The following GRK5 variants were observed in gnomAD, a reference collection of about 807,000 sequenced individuals.
The protein encoded by GRK5 is G protein-coupled receptor kinase 5, also known as g protein-coupled receptor kinase GRK5.
In GRK5, 40 loss-of-function variants were observed where a neutral mutation model predicts 78.4. The ratio of observed to expected loss-of-function variants is 0.51; its 90% CI spans 0.40 to 0.66. GRK5 has a LOEUF of 0.66. Among genes scored for constraint, GRK5 ranks in the 30% least tolerant of loss-of-function variants. The pLI is 0.00. For synonymous variants in GRK5, 289 were observed against 296.8 expected (o/e 0.97, Z 0.27); for missense variants, 598 against 759.9 (o/e 0.79, Z 2.50).
At chr10:119,213,435 T>C (rs7093295) in intron 1 of GRK5, among the ~76,000 whole-genome samples, 90,616 of 151,906 alleles carry the variant, frequency 0.6, 27,778 homozygotes, top group African/African-American at 0.74. Context: ...CACTTGAACC[T>C]GGGAGGTGGA....
intron 1 of GRK5, among the ~76,000 whole-genome samples, chr10:119,260,599 T>C (rs1013305605): frequency 6.6e-6 from 1 of 152,062 alleles, no homozygotes; most frequent in East Asian, 1.9e-4. Flanking sequence ...TAGGGAGTGG[T>C]GATGACTCTT....
chr10:119,221,750 T>C (rs1848659189), intron 1 of GRK5, among the ~76,000 whole-genome samples: 1 of 152,182 alleles, frequency 6.6e-6, no homozygotes, highest in East Asian at 1.9e-4. Context: ...CATAATAATT[T>C]GTGAAATAGG....
chr10:119,327,866 C>T (rs1850706104), intron 2 of GRK5, among the ~76,000 whole-genome samples: 1 of 152,222 alleles, frequency 6.6e-6, no homozygotes, highest in African/African-American at 2.4e-5. Context: ...TCCCTAAAAT[C>T]CCAGGCACAT....
chr10:119,431,710 C>T lies in GRK5; in HGVS notation c.738+183C>T, dbSNP rs1161394710. 2.0e-5 allele frequency among the ~76,000 whole-genome samples: 3 copies of T among 152,214 alleles called. No individual in the cohort carries two copies. The highest frequency in any genetic ancestry group is 1.9e-4 in the East Asian group (1 of 5,192). On this transcript the variant is annotated intron_variant, in intron 8 of 15. Transcript: ENST00000392870. This position sits in a 1 kb window ranked among gnomAD's most constrained non-coding sequence, Gnocchi z 4.8. The stretch of plus-strand genomic sequence containing the variant: ...CCTCCATCACACGGCCCATTGTGGT[C>T]GACTGTGGCTGGCTTTGTCCCATCC...
At chr10:119,276,304 T>C (rs1849669981) in intron 1 of GRK5, among the ~76,000 whole-genome samples, 1 of 152,096 alleles carries the variant, frequency 6.6e-6, no homozygotes, top group African/African-American at 2.4e-5. Flanking sequence ...CCTGTGTCTA[T>C]GTGTTCTCAT....
intron 1 of GRK5, among the ~76,000 whole-genome samples, chr10:119,278,123 T>C (rs182878424): frequency 1.7e-3 from 266 of 152,340 alleles, no homozygotes; most frequent in African/African-American, 6.3e-3. Flanking sequence ...ACAACCTGTT[T>C]TCCAAAGTGG....
At chr10:119,384,813 T>C (rs1452443787) in intron 3 of GRK5, among the ~76,000 whole-genome samples, 1 of 152,184 alleles carries the variant, frequency 6.6e-6, no homozygotes, top group Non-Finnish European at 1.5e-5. Flanking sequence ...CTCCTTCCTC[T>C]GCATCATGCT....
chr10:119,403,965 T>C (rs1397434725), intron 4 of GRK5, among the ~76,000 whole-genome samples: 2 of 152,198 alleles, frequency 1.3e-5, no homozygotes, highest in Non-Finnish European at 2.9e-5. Flanking sequence ...ACATTTTTGC[T>C]CTTGTGGAAT....
chr10:119,316,855 C>A (rs570582523), intron 1 of GRK5, among the ~76,000 whole-genome samples: 12 of 152,088 alleles, frequency 7.9e-5, no homozygotes. Flanking sequence ...CAGTGTCTGG[C>A]CCCCCGTCCC....
chr10:119,417,562 G>T (rs1194492247), intron 4 of GRK5, among the ~76,000 whole-genome samples: 5 of 121,496 alleles, frequency 4.1e-5, no homozygotes, highest in Admixed American at 4.0e-4. Flanking sequence ...CACCCCAACA[G>T]TCTCATCATT....
intron 1 of GRK5, among the ~76,000 whole-genome samples, chr10:119,323,663 A>G (rs1850624757): frequency 6.6e-6 from 1 of 152,124 alleles, no homozygotes; most frequent in Non-Finnish European, 1.5e-5. Context: ...TGTGGGAGAG[A>G]CGTCCAAGGT....
chr10:119,411,632 C>G (rs1852338463), intron 4 of GRK5, among the ~76,000 whole-genome samples: 1 of 152,110 alleles, frequency 6.6e-6, no homozygotes, highest in East Asian at 1.9e-4. Context: ...AAAGAAATCA[C>G]AACAAATTAC....
intron 1 of GRK5, among the ~76,000 whole-genome samples, chr10:119,270,969 C>T (rs564598789): frequency 2.0e-5 from 3 of 152,210 alleles, no homozygotes; most frequent in Non-Finnish European, 4.4e-5. Flanking sequence ...TACCCTACCT[C>T]AGAGAGCAAG....
At chr10:119,280,890 C>G (rs1849752157) in intron 1 of GRK5, among the ~76,000 whole-genome samples, 1 of 151,582 alleles carries the variant, frequency 6.6e-6, no homozygotes, top group Admixed American at 6.6e-5. Flanking sequence ...AGCAATTCTC[C>G]TTCCTCACCC....
rs976848796 is a variant in GRK5 at position 119,430,932 on chromosome 10, A to G, written c.598-455A>G. ...GTGACCCAGCCAAGGGCGCGCAGAC[A>G]ATGTGAGGCAGAGCTAAGACTTAAG... On this transcript the variant is annotated intron_variant, in intron 7 of 15. Coordinates refer to ENST00000392870, the MANE Select transcript of GRK5 (RefSeq NM_005308.3). This position sits in a 1 kb window ranked among gnomAD's most constrained non-coding sequence, Gnocchi z 4.5. Among the ~76,000 whole-genome samples the G allele has an allele frequency of 6.6e-6, 1 of 152,196 alleles. No individual in the cohort carries two copies. Among genetic ancestry groups the G allele is most frequent in the Non-Finnish European group, 1.5e-5 (1 of 68,032 alleles).
chr10:119,277,182 G>A (rs1246220004), intron 1 of GRK5, among the ~76,000 whole-genome samples: 2 of 152,056 alleles, frequency 1.3e-5, no homozygotes, highest in South Asian at 2.1e-4. Context: ...GGGTGCTGCC[G>A]CACCTTGTGT....
In GRK5 at chr10:119,264,360, G is replaced by A. The variant is rs988139624; in HGVS notation, c.52+56391G>A. Among the ~76,000 whole-genome samples, 8 of 152,190 alleles carry A rather than the reference G, an allele frequency of 5.3e-5. No individual in the cohort carries two copies. Among genetic ancestry groups the A allele is most frequent in the Admixed American group, 2.0e-4 (3 of 15,286 alleles). On this transcript the variant is annotated intron_variant, in intron 1 of 15. Coordinates refer to ENST00000392870, the MANE Select transcript of GRK5 (RefSeq NM_005308.3). The surrounding 1 kb of genome is among the most constrained non-coding windows in gnomAD (Gnocchi z 4.1). ...GTGCTTGGGAAGTTGAGTCCTGGGT[G>A]GGGCTCAAGTCCTACCATCTGGTGT...
intron 1 of GRK5, among the ~76,000 whole-genome samples, chr10:119,287,415 G>A (rs1849873521): frequency 6.6e-6 from 1 of 150,598 alleles, no homozygotes; most frequent in Admixed American, 6.6e-5. Context: ...AAAGAAGGGA[G>A]AAGGTAAGGA....
intron 3 of GRK5, among the ~76,000 whole-genome samples, chr10:119,394,253 GA>G (rs879518020): frequency 0.076 from 1,098 of 14,450 alleles, 71 homozygotes; most frequent in Admixed American, 0.078. Flanking sequence ...TCTGTGTGTG[GA>G]TGTATCTGTG....
Sources: gnomAD v4.1 joint callset for allele counts (sites outside exome capture counted in the v4.1 genomes callset) on GRCh38, gnomAD v4.1.1 for gene constraint, Gnocchi (gnomAD v3.1) non-coding constraint, MANE v1.5 for transcripts, NCBI Gene and HGNC (gene_info 2026-07-23, HGNC 2026-07-21) for gene names.